GALNT8: variants seen among roughly 807,000 people sequenced by gnomAD.
GALNT8 encodes the protein polypeptide N-acetylgalactosaminyltransferase 8, also known as probable polypeptide N-acetylgalactosaminyltransferase 8.
Under a neutral mutation model 62.7 loss-of-function variants are expected in GALNT8, and 66 were observed. The ratio of observed to expected loss-of-function variants is 1.05; its 90% CI spans 0.86 to 1.29. The LOEUF is 1.29. GALNT8 is among the 50% of genes most tolerant of loss of function. The pLI, the probability that GALNT8 is intolerant of heterozygous loss-of-function variation, is 0.00. For synonymous variants in GALNT8, 288 were observed against 294.3 expected, an observed-to-expected ratio of 0.98 and a Z score of 0.22; for missense variants, 771 against 791.8, an observed-to-expected ratio of 0.97 and a Z score of 0.32.
intron 3 of GALNT8, among the ~76,000 whole-genome samples, chr12:4,741,999 T>C (rs1946274501): frequency 6.6e-6 from 1 of 152,230 alleles, no homozygotes; most frequent in Admixed American, 6.5e-5. Context: ...CTACCATGTC[T>C]ACTGAAAGAG....
rs1565582024 is a variant in GALNT8, at chr12:4,720,859, C to T, written c.182C>T (p.Ser61Phe). 6.2e-7 allele frequency: 1 copy of T among 1,606,330 alleles called. No homozygotes were observed. Among genetic ancestry groups the T allele is most frequent in the East Asian group, 2.2e-5 (1 of 44,848 alleles). Reference protein sequence around the residue: ...KRYGAVIKRLSHLEVELQDLK... With the variant: ...KRYGAVIKRLFHLEVELQDLK... ...TACGGGGCAGTGATAAAGAGACTCTCCCACTTGGAGGTGGAATTGCAGGAT... is the reference window on the plus strand; with the variant it reads ...TACGGGGCAGTGATAAAGAGACTCTTCCACTTGGAGGTGGAATTGCAGGAT... The change falls in exon 1 of 11, where the codon TCC becomes TTC. Residue 61 changes from serine (S) to phenylalanine (F), a missense_variant. Ser to Phe is a radical substitution (Grantham distance 155). Transcript: ENST00000252318.
intron 9 of GALNT8, among the ~76,000 whole-genome samples, chr12:4,764,912 G>C (rs1946392026): frequency 6.7e-6 from 1 of 149,942 alleles, no homozygotes; most frequent in South Asian, 2.1e-4. Flanking sequence ...TTTGCATGCT[G>C]CCCTCATAGC....
At chr12:4,757,766 GCAGAAT>G (rs66635320) in intron 6 of GALNT8, among the ~76,000 whole-genome samples, 80,974 of 151,340 alleles carry the variant, frequency 0.54, 21,984 homozygotes, top group Non-Finnish European at 0.59. Flanking sequence ...TAGATATAGA[GCAGAAT>G]CAGAATAGAC....
chr12:4,765,934 C>T (rs1946398062), intron 10 of GALNT8, among the ~76,000 whole-genome samples: 1 of 152,210 alleles, frequency 6.6e-6, no homozygotes, highest in South Asian at 2.1e-4. Flanking sequence ...GCACATGCCA[C>T]CATGCCCAGT....
At chr12:4,734,083 C>T (rs1439210610) in intron 2 of GALNT8, among the ~76,000 whole-genome samples, 1 of 152,162 alleles carries the variant, frequency 6.6e-6, no homozygotes, top group African/African-American at 2.4e-5. Context: ...ACTCTGAGCC[C>T]TTATGCACAT....
chr12:4,743,645 C>T (rs752055405), intron 3 of GALNT8, among the ~76,000 whole-genome samples: 1 of 152,152 alleles, frequency 6.6e-6, no homozygotes, highest in Non-Finnish European at 1.5e-5. Context: ...GGTTCACATC[C>T]AGGGCGTGCC....
chr12:4,742,430 C>T (rs984537698), intron 3 of GALNT8, among the ~76,000 whole-genome samples: 7 of 152,216 alleles, frequency 4.6e-5, no homozygotes, highest in African/African-American at 1.7e-4. Context: ...TCACAATCAA[C>T]AACTACATGT....
At chr12:4,755,130 T>C (rs1420277254) in intron 6 of GALNT8, among the ~76,000 whole-genome samples, 4 of 152,156 alleles carry the variant, frequency 2.6e-5, no homozygotes, top group Non-Finnish European at 5.9e-5. Flanking sequence ...GTGACCTGCC[T>C]CCCCACCCCC....
chr12:4,728,494 T>C (rs368988247), intron 2 of GALNT8, among the ~76,000 whole-genome samples: 4 of 152,280 alleles, frequency 2.6e-5, no homozygotes, highest in South Asian at 4.1e-4. Flanking sequence ...TTTTATAGTT[T>C]CAGTCTTAAA....
At chr12:4,751,533 A>G (rs538852811) in intron 6 of GALNT8, among the ~76,000 whole-genome samples, 3 of 152,262 alleles carry the variant, frequency 2.0e-5, no homozygotes, top group Non-Finnish European at 2.9e-5. Flanking sequence ...ATTCAGGAGC[A>G]TATTGTTTAA....
At chr12:4,752,620 T>A (rs1228018283) in intron 6 of GALNT8, among the ~76,000 whole-genome samples, 1 of 152,144 alleles carries the variant, frequency 6.6e-6, no homozygotes, top group African/African-American at 2.4e-5. Flanking sequence ...TATATCTTAC[T>A]GTACTATGTC....
rs142335586 is a variant in GALNT8 at position 4,750,939 on chromosome 12, A to G, written c.1173+4681A>G. Among the ~76,000 whole-genome samples, 405 of 152,314 alleles carry G rather than the reference A, an allele frequency of 2.7e-3. 3 individuals carry two copies. The highest frequency in any genetic ancestry group is 6.8e-3 in the Middle Eastern group (2 of 294). On this transcript the variant is annotated intron_variant, in intron 6 of 10. Coordinates refer to ENST00000252318, the MANE Select transcript of GALNT8 (RefSeq NM_017417.2). ...TAGTACAAAAACGGACACATAGACC[A>G]ATGGAACAGAATAGAGAACCCAGAA... is the stretch of plus-strand genomic sequence containing the variant.
chr12:4,747,228 A>G (rs1052943762), intron 6 of GALNT8, among the ~76,000 whole-genome samples: 1 of 152,324 alleles, frequency 6.6e-6, no homozygotes, highest in African/African-American at 2.4e-5. Flanking sequence ...ATCCAATTAT[A>G]TTCTTTTAGT....
rs187365594 is a variant in GALNT8, at chr12:4,763,464, T to C, written c.1497+74T>C. The stretch of plus-strand genomic sequence containing the variant: ...AGACAATGCGGCCTGAATCTCGTGA[T>C]TGCCTGTCCTGCCCAAGACGCCCTT... On this transcript the variant is annotated intron_variant, in intron 8 of 10. Coordinates refer to ENST00000252318, the MANE Select transcript of GALNT8 (RefSeq NM_017417.2). 51 of 1,254,864 alleles carry C rather than the reference T, an allele frequency of 4.1e-5. No individual in the cohort carries two copies. In the African/African-American group the frequency reaches 7.4e-4, roughly 18 times the overall value. 77.7% of individuals were successfully genotyped at this position (1,254,864 alleles called of 1,614,324 possible). A position where few individuals can be genotyped will look rare whatever the true frequency, so the allele number is the denominator to read the frequency against.
At chr12:4,761,515 T>C (rs1481331975) in intron 7 of GALNT8, among the ~76,000 whole-genome samples, 1 of 152,190 alleles carries the variant, frequency 6.6e-6, no homozygotes, top group Non-Finnish European at 1.5e-5. Flanking sequence ...ATCTCTCTTT[T>C]ATAATGAGAG....
At chr12:4,757,317 A>G (rs1013080176) in intron 6 of GALNT8, among the ~76,000 whole-genome samples, 1 of 152,258 alleles carries the variant, frequency 6.6e-6, no homozygotes. Flanking sequence ...ATGATGGTAC[A>G]GTCACAATGT....
At chr12:4,768,532 C>A in intron 10 of GALNT8, 1 of 310,850 alleles carries the variant, frequency 3.2e-6, no homozygotes, top group Non-Finnish European at 6.4e-6. Flanking sequence ...TCTCAGCTGA[C>A]TGAGGCTACT....
Position 4,765,477 on chromosome 12 carries a change from G to C in GALNT8, c.1692G>C (p.Glu564Asp), listed in dbSNP as rs145999043. 2 of 1,612,078 alleles carry C rather than the reference G, an allele frequency of 1.2e-6. No homozygotes were observed. The highest frequency in any genetic ancestry group is 2.2e-5 in the South Asian group (2 of 90,938). Residue 564 changes from glutamate to aspartate, a missense_variant, in exon 10 of 11, where the codon GAG becomes GAC. Physicochemically the swap from Glu to Asp is conservative, Grantham distance 45 (BLOSUM62 2). Coordinates refer to ENST00000252318, the MANE Select transcript of GALNT8 (RefSeq NM_017417.2). ...DRCLTDPGKA[E>D]KPTLEPCSKA... ...GCCTGACAGACCCTGGCAAGGCGGA[G>C]AAGCCCACCTTAGAACCATGCTCCA...
intron 6 of GALNT8, among the ~76,000 whole-genome samples, chr12:4,752,810 T>G (rs1946328114): frequency 6.6e-6 from 1 of 152,210 alleles, no homozygotes; most frequent in Non-Finnish European, 1.5e-5. Context: ...TTAACATCCT[T>G]TTCTTTCTGA....
Sources: gnomAD v4.1 joint callset for allele counts (sites outside exome capture counted in the v4.1 genomes callset) on GRCh38, gnomAD v4.1.1 for gene constraint, MANE v1.5 for transcripts, NCBI Gene and HGNC (gene_info 2026-07-23, HGNC 2026-07-21) for gene names.